RGPD1: variants seen among roughly 807,000 people sequenced by gnomAD.
RGPD1 encodes the protein RANBP2-like and GRIP domain-containing protein 1.
RGPD1 carries 7 observed loss-of-function variants against 40.6 expected under a neutral mutation model. The observed-to-expected ratio is 0.17, with a 90% CI of 0.10 to 0.32. The LOEUF is 0.32. Ranked by LOEUF, RGPD1 falls within the 10% of genes least tolerant of loss-of-function variation. RGPD1 has a pLI of 1.00. For synonymous variants in RGPD1, 24 were observed against 167.0 expected (o/e 0.14, Z 6.60); for missense variants, 50 against 472.5 (o/e 0.11, Z 8.29).
chr2:86,941,721 GT>G (rs949096977), upstream of RGPD1, among the ~76,000 whole-genome samples: 26 of 111,694 alleles, frequency 2.3e-4, no homozygotes, highest in South Asian at 9.4e-4. Flanking sequence ...AATGCGCTTT[GT>G]TTTTTTTTTT....
rs753911867 is a variant in RGPD1 at position 86,929,689 on chromosome 2, CTT to C, written c.72+15794_72+15795del. 4.9e-3 allele frequency among the ~76,000 whole-genome samples: 259 copies of C among 52,604 alleles called. 1 individual carries two copies. Among genetic ancestry groups the C allele is most frequent in the African/African-American group, 0.012 (178 of 14,902 alleles). 34.5% of individuals were successfully genotyped at this position (52,604 alleles called of 152,430 possible). A position where few individuals can be genotyped will look rare whatever the true frequency, so the allele number is the denominator to read the frequency against. ...GTAACCTGACTCCAGAGCCCACACT[CTT>C]TTTTTTTTTTTTTTTTTTTTTTTTT... On this transcript the variant is annotated intron_variant, in intron 1 of 22. Transcript: ENST00000398193.
intron 1 of RGPD1, among the ~76,000 whole-genome samples, 200 bp downstream of exon 1, chr2:86,942,508 G>A (rs1161222644): frequency 7.5e-6 from 1 of 133,310 alleles, no homozygotes; most frequent in African/African-American, 2.7e-5. Context: ...CCTCGACCTG[G>A]CCGGGCGGCG....
At chr2:86,942,830 A>G (rs1679985641) in intron 1 of RGPD1, among the ~76,000 whole-genome samples, 1 of 151,970 alleles carries the variant, frequency 6.6e-6, no homozygotes. Context: ...TTGCAAGCGC[A>G]GGAAGAGTCC....
intron 1 of RGPD1, among the ~76,000 whole-genome samples, chr2:86,933,748 TAA>T (rs1163900772): frequency 1.0e-5 from 1 of 97,804 alleles, no homozygotes; most frequent in East Asian, 2.6e-4. Context: ...ATTCAGATAC[TAA>T]GAGTAAATTT....
intron 1 of RGPD1, among the ~76,000 whole-genome samples, chr2:86,914,179 C>T (rs1353501028): frequency 6.5e-5 from 3 of 46,258 alleles, no homozygotes; most frequent in Non-Finnish European, 1.3e-4. Context: ...TCGGCCTGGC[C>T]GGACGGCGGC....
At chr2:87,009,323 GAGAA>G (rs1210579730) in intron 22 of RGPD1, among the ~76,000 whole-genome samples, 1 of 15,896 alleles carries the variant, frequency 6.3e-5, no homozygotes, top group South Asian at 1.6e-3. Context: ...AAAAAAAAAA[GAGAA>G]AGAAACAGAA....
In RGPD1 at chr2:86,913,960, CGGGG is replaced by C. The variant is rs1373812241; in HGVS notation, c.72+40_72+43del. 9 of 1,240,952 alleles carry C rather than the reference CGGGG, an allele frequency of 7.3e-6. 2 individuals are homozygous for C. Among genetic ancestry groups the C allele is most frequent in the East Asian group, 4.5e-5 (1 of 22,224 alleles). The allele number at this position is 1,240,952 out of a possible 1,614,324, so 76.9% of individuals were successfully genotyped here. A position where few individuals can be genotyped will look rare whatever the true frequency, so the allele number is the denominator to read the frequency against. ...GAAGAGACCGACGGCCTCGACCTGG[CGGGG>C]CGGTGGCCTCGACCTGGCCGGGCGG... On this transcript the variant is annotated intron_variant, in intron 1 of 22. Transcript: ENST00000398193.
chr2:86,920,221 C>T (rs1471179936), intron 1 of RGPD1, among the ~76,000 whole-genome samples: 78 of 151,720 alleles, frequency 5.1e-4, no homozygotes, highest in African/African-American at 1.8e-3. Flanking sequence ...AGGCATGCAC[C>T]TCCACGCCTG....
chr2:86,942,331 G>T, intron 1 of RGPD1, 23 bp downstream of exon 1: 3 of 1,555,950 alleles, frequency 1.9e-6, no homozygotes, highest in Non-Finnish European at 2.6e-6. Flanking sequence ...CGAAGAGACC[G>T]ACGGCCTCGA....
At chr2:86,962,574 G>A (rs1172855150) in intron 6 of RGPD1, among the ~76,000 whole-genome samples, 9 of 96,396 alleles carry the variant, frequency 9.3e-5, no homozygotes, top group Non-Finnish European at 1.0e-4. Context: ...ATAGTAAAAA[G>A]AGCAATTGCT....
At chr2:87,009,233 A>T in intron 22 of RGPD1, among the ~76,000 whole-genome samples, 1 of 26,910 alleles carries the variant, frequency 3.7e-5, no homozygotes, top group Non-Finnish European at 7.1e-5. Context: ...TGAACCTGGG[A>T]GGAGGAGCTT....
rs1429401500 is a variant in RGPD1 at position 86,964,168 on chromosome 2, G to A, written c.975+944G>A. On this transcript the variant is annotated intron_variant, in intron 7 of 22. Coordinates refer to ENST00000641458, the MANE Select transcript of RGPD1 (RefSeq NM_001382344.1). The stretch of plus-strand genomic sequence containing the variant: ...CACCATTTTCCTGCCTCAGCCTCCC[G>A]AGTAGCTGGAACTACAAGCGCCCAC... 3.8e-5 allele frequency among the ~76,000 whole-genome samples: 4 copies of A among 106,474 alleles called. 1 individual carries two copies. The highest frequency in any genetic ancestry group is 8.8e-5 in the African/African-American group (2 of 22,784). The allele number at this position is 106,474 out of a possible 152,430, so 69.9% of individuals were successfully genotyped here.
At chr2:86,944,329 G>T (rs952825719) in intron 1 of RGPD1, among the ~76,000 whole-genome samples, 11 of 152,042 alleles carry the variant, frequency 7.2e-5, no homozygotes, top group Admixed American at 3.3e-4. Context: ...GTATAAATAT[G>T]AATGTGATGA....
chr2:86,930,576 C>G, intron 1 of RGPD1: 1 of 1,611,060 alleles, frequency 6.2e-7, no homozygotes, highest in Non-Finnish European at 8.5e-7. Flanking sequence ...CCAGAGCAGC[C>G]AGAACCACCA....
chr2:86,924,504 T>C lies in RGPD1; in HGVS notation c.72+10583T>C, dbSNP rs1678313950. 1.3e-5 allele frequency among the ~76,000 whole-genome samples: 2 copies of C among 150,754 alleles called. 1 individual carries two copies. Among genetic ancestry groups the C allele is most frequent in the South Asian group, 4.2e-4 (2 of 4,786 alleles). ...TTTTAAGAGACGGGGTGTCACTTTT[T>C]GCCTACGCCGGACTGCAGTGATGCT... On this transcript the variant is annotated intron_variant, in intron 1 of 22. Transcript: ENST00000398193.
chr2:86,938,511 A>G (rs1165886122), upstream of RGPD1, among the ~76,000 whole-genome samples: 1 of 148,614 alleles, frequency 6.7e-6, no homozygotes, highest in Non-Finnish European at 1.5e-5. Context: ...TTGAGGGTAA[A>G]GATCAGAGTA....
Position 86,920,130 on chromosome 2 carries a change from C to T in RGPD1, c.72+6209C>T, listed in dbSNP as rs75108181. ...TGTCGTCTAGGCTGGAATGCAGTGGCGTTATCCTGGCTCATTACAACCTCT... is the reference window on the plus strand; with the variant it reads ...TGTCGTCTAGGCTGGAATGCAGTGGTGTTATCCTGGCTCATTACAACCTCT... On this transcript the variant is annotated intron_variant, in intron 1 of 22. Coordinates refer to the RGPD1 transcript ENST00000398193. Among the ~76,000 whole-genome samples, 172 of 151,986 alleles carry T rather than the reference C, an allele frequency of 1.1e-3. 4 individuals are homozygous for T. Among genetic ancestry groups the T allele is most frequent in the African/African-American group, 4.0e-3 (165 of 41,496 alleles).
upstream of RGPD1, among the ~76,000 whole-genome samples, chr2:86,939,694 T>G (rs1196015679): frequency 7.6e-6 from 1 of 132,156 alleles, no homozygotes; most frequent in African/African-American, 2.9e-5. Flanking sequence ...TGAGTGTGTT[T>G]GGGCAAGTTG....
At chr2:86,941,611 AT>A (rs1679754649), upstream of RGPD1, among the ~76,000 whole-genome samples, 1 of 151,732 alleles carries the variant, frequency 6.6e-6, no homozygotes, top group South Asian at 2.1e-4. Flanking sequence ...GGGTCCACTT[AT>A]AAGCTGACAG....
Sources: gnomAD v4.1 joint callset for allele counts (sites outside exome capture counted in the v4.1 genomes callset) on GRCh38, gnomAD v4.1.1 for gene constraint, MANE v1.5 for transcripts, NCBI Gene and HGNC (gene_info 2026-07-23, HGNC 2026-07-21) for gene names.